The following DDX60L variants were observed in gnomAD, a reference collection of about 807,000 sequenced individuals.
DDX60L encodes the protein DExD/H-box 60 like, also known as probable ATP-dependent RNA helicase DDX60-like.
Under a neutral mutation model 211.6 loss-of-function variants are expected in DDX60L, and 191 were observed. That is an observed-to-expected ratio of 0.90 (90% CI 0.80 to 1.02). The LOEUF is 1.02. Among genes scored for constraint, DDX60L ranks in the 50% least tolerant of loss-of-function variants. DDX60L has a pLI of 0.00. For synonymous variants in DDX60L, 706 were observed against 694.1 expected (o/e 1.02, Z -0.27); for missense variants, 2,007 against 1,984.1 (o/e 1.01, Z -0.22).
chr4:168,401,216 TAC>T (rs1411516494), intron 25 of DDX60L, among the ~76,000 whole-genome samples: 1 of 152,198 alleles, frequency 6.6e-6, no homozygotes, highest in Non-Finnish European at 1.5e-5. Context: ...AAGAAACATT[TAC>T]AGTCTATTCT....
At chr4:168,471,441 T>TA (rs984543804) in intron 4 of DDX60L, 2 of 199,138 alleles carry the variant, frequency 1.0e-5, no homozygotes, top group Non-Finnish European at 2.0e-5. Flanking sequence ...GCTGAATTCT[T>TA]ACACTGACTA....
In DDX60L at chr4:168,357,948, G is replaced by A. The variant is rs1738411880; in HGVS notation, c.*199C>T. The A allele has an allele frequency of 8.7e-5, 40 of 459,708 alleles. No individual in the cohort carries two copies. In the South Asian group the frequency reaches 1.1e-3, roughly 13 times the overall value. The allele number at this position is 459,708 out of a possible 1,614,324, so 28.5% of individuals were successfully genotyped here. On this transcript the variant is annotated 3_prime_UTR_variant, in exon 38 of 38. Coordinates refer to ENST00000682922, the MANE Select transcript of DDX60L (RefSeq NM_001012967.3). ...AGGTATTCATTTTTACTCCGGTTTT[G>A]CCAAAAATGAAGTTAAAGCTCAGAT...
intron 26 of DDX60L, among the ~76,000 whole-genome samples, chr4:168,399,314 T>G (rs904343135): frequency 2.6e-5 from 4 of 152,154 alleles, no homozygotes; most frequent in Non-Finnish European, 4.4e-5. Flanking sequence ...ATGGCTGTGA[T>G]AACTTCTTTG....
At chr4:168,456,855 A>C (rs1405159213) in intron 6 of DDX60L, among the ~76,000 whole-genome samples, 3 of 152,192 alleles carry the variant, frequency 2.0e-5, no homozygotes, top group East Asian at 3.8e-4. Context: ...TAGATACTAC[A>C]TTTATGAAAA....
At chr4:168,448,391 C>A (rs1034632162) in intron 9 of DDX60L, among the ~76,000 whole-genome samples, 1 of 152,070 alleles carries the variant, frequency 6.6e-6, no homozygotes, top group Non-Finnish European at 1.5e-5. Flanking sequence ...TATAAAATAT[C>A]ATGCATCTAC....
Position 168,449,636 on chromosome 4 carries a change from AC to A in DDX60L, c.997-858del, listed in dbSNP as rs1468365394. Among the ~76,000 whole-genome samples, 229 of 41,464 alleles carry A rather than the reference AC, an allele frequency of 5.5e-3. 1 individual carries two copies. The highest frequency in any genetic ancestry group is 0.018 in the African/African-American group (155 of 8,486). The allele number at this position is 41,464 out of a possible 152,430, so 27.2% of individuals were successfully genotyped here. ...ATAATAAAAAAAAAAAAACATTAAA[AC>A]AAAAAAAAAAAATGCAAAAAAAAAA... On this transcript the variant is annotated intron_variant, in intron 8 of 37. Coordinates refer to ENST00000682922, the MANE Select transcript of DDX60L (RefSeq NM_001012967.3).
chr4:168,386,044 G>A lies in DDX60L; in HGVS notation c.3916-1232C>T, dbSNP rs150730776. Among the ~76,000 whole-genome samples, 468 of 152,140 alleles carry A rather than the reference G, an allele frequency of 3.1e-3. 1 individual carries two copies. The highest frequency in any genetic ancestry group is 0.01 in the African/African-American group (433 of 41,506). On this transcript the variant is annotated intron_variant, in intron 29 of 37. Coordinates refer to ENST00000682922, the MANE Select transcript of DDX60L (RefSeq NM_001012967.3). ...AGAGAGGGAGGAATAGAACTAGAGA[G>A]TGTCTTGAATAGGGAAAGTTCTCAG...
At chr4:168,406,503 T>C in intron 23 of DDX60L, 99 bp downstream of exon 23, 1 of 800,768 alleles carries the variant, frequency 1.2e-6, no homozygotes, top group Non-Finnish European at 2.0e-6. Flanking sequence ...ATCAACCAAG[T>C]AGAGAGAATA....
At chr4:168,405,884 A>G (rs1747664334) in intron 24 of DDX60L, 66 bp downstream of exon 24, 2 of 1,455,132 alleles carry the variant, frequency 1.4e-6, no homozygotes, top group African/African-American at 1.4e-5. Context: ...TATTGGCTAA[A>G]TTATTATGCA....
chr4:168,459,476 G>A (rs1248861531), intron 5 of DDX60L, among the ~76,000 whole-genome samples: 1 of 152,092 alleles, frequency 6.6e-6, no homozygotes, highest in African/African-American at 2.4e-5. Flanking sequence ...TAGAGGCCAG[G>A]CACAGTGGCT....
At chr4:168,381,599 T>A (rs1123538) in intron 30 of DDX60L, among the ~76,000 whole-genome samples, 1 of 149,280 alleles carries the variant, frequency 6.7e-6, no homozygotes, top group Non-Finnish European at 1.5e-5. Flanking sequence ...AAAAAAAAAC[T>A]ATAACTAGAA....
intron 19 of DDX60L, among the ~76,000 whole-genome samples, chr4:168,418,217 GC>G (rs1749902365): frequency 6.6e-6 from 1 of 152,142 alleles, no homozygotes; most frequent in Non-Finnish European, 1.5e-5. Flanking sequence ...ACGGGAGCAT[GC>G]CACCATGCCT....
At chr4:168,408,779 G>A (rs17612290) in intron 22 of DDX60L, among the ~76,000 whole-genome samples, 7,125 of 152,266 alleles carry the variant, frequency 0.047, 224 homozygotes, top group Non-Finnish European at 0.072. Context: ...TAATTTGTAG[G>A]AAGGCTGTGC....
intron 22 of DDX60L, among the ~76,000 whole-genome samples, chr4:168,412,325 C>T (rs1748822488): frequency 6.6e-6 from 1 of 152,010 alleles, no homozygotes; most frequent in South Asian, 2.1e-4. Flanking sequence ...TGGATGGCAT[C>T]TCTGAACTTA....
At chr4:168,385,748 T>C (rs1339768821) in intron 29 of DDX60L, among the ~76,000 whole-genome samples, 4 of 152,208 alleles carry the variant, frequency 2.6e-5, no homozygotes, top group African/African-American at 9.6e-5. Flanking sequence ...GTAGTGATTA[T>C]TATAGAGTGA....
At chr4:168,443,579 A>T (rs1263350868) in intron 9 of DDX60L, among the ~76,000 whole-genome samples, 1 of 152,140 alleles carries the variant, frequency 6.6e-6, no homozygotes, top group Admixed American at 6.5e-5. Flanking sequence ...TAATTGTCAG[A>T]TTCACCAAAG....
intron 1 of DDX60L, among the ~76,000 whole-genome samples, chr4:168,477,960 C>T (rs1204884627): frequency 6.6e-6 from 1 of 152,060 alleles, no homozygotes; most frequent in Non-Finnish European, 1.5e-5. Flanking sequence ...GGACACAGCG[C>T]CTCATACCTA....
intron 10 of DDX60L, among the ~76,000 whole-genome samples, chr4:168,437,994 C>A (rs1019873257): frequency 5.9e-5 from 9 of 152,178 alleles, no homozygotes; most frequent in Non-Finnish European, 1.0e-4. Flanking sequence ...CTGCCTCAGC[C>A]TCCCGAGTAG....
intron 33 of DDX60L, chr4:168,377,815 G>A (rs1378243535): frequency 6.6e-6 from 1 of 152,050 alleles, no homozygotes; most frequent in African/African-American, 2.4e-5. Flanking sequence ...CTTGGGTTCT[G>A]TTTGCTTGTT....
Sources: allele counts gnomAD v4.1 joint callset (sites outside exome capture counted in the v4.1 genomes callset), GRCh38; gene constraint gnomAD v4.1.1; transcripts MANE v1.5; gene names NCBI Gene and HGNC (gene_info 2026-07-23, HGNC 2026-07-21).